Variants in MIS18A observed in about 807,000 individuals in gnomAD.
The protein encoded by MIS18A is protein Mis18-alpha.
MIS18A carries 14 observed loss-of-function variants against 25.0 expected under a neutral mutation model. The observed-to-expected ratio is 0.56, with a 90% confidence interval of 0.37 to 0.88. The LOEUF is 0.88. MIS18A is among the 40% of genes least tolerant of loss of function. The pLI is 0.00. For synonymous variants in MIS18A, 134 were observed against 118.6 expected (o/e 1.13, Z -0.84); for missense variants, 292 against 290.8 (o/e 1.00, Z -0.03).
the MIS18A span, among the ~76,000 whole-genome samples, chr21:32,249,874 C>T: frequency 6.6e-6 from 1 of 152,162 alleles, no homozygotes. Flanking sequence ...TCGGGGGTCA[C>T]ATAGCAACAT....
At chr21:32,179,996 G>A in the MIS18A span, among the ~76,000 whole-genome samples, 1 of 152,200 alleles carries the variant, frequency 6.6e-6, no homozygotes, top group African/African-American at 2.4e-5. Flanking sequence ...TACCGTACCA[G>A]AGATTCCACA....
the MIS18A span, among the ~76,000 whole-genome samples, chr21:32,196,038 T>C: frequency 1.3e-5 from 2 of 151,776 alleles, no homozygotes; most frequent in Non-Finnish European, 2.9e-5. Flanking sequence ...AAAAAATTCT[T>C]GTCTGTCTGT....
At chr21:32,184,935 A>G in the MIS18A span, among the ~76,000 whole-genome samples, 1 of 151,932 alleles carries the variant, frequency 6.6e-6, no homozygotes, top group Non-Finnish European at 1.5e-5. Context: ...GCCTAAGCTC[A>G]GGGTCGGCTC....
the MIS18A span, among the ~76,000 whole-genome samples, chr21:32,218,616 G>A: frequency 3.7e-4 from 56 of 152,190 alleles, no homozygotes; most frequent in Non-Finnish European, 7.5e-4. Context: ...AAATTAAGAT[G>A]TTAAATGTAA....
the MIS18A span, among the ~76,000 whole-genome samples, chr21:32,241,617 T>C: frequency 6.6e-6 from 1 of 152,188 alleles, no homozygotes; most frequent in Non-Finnish European, 1.5e-5. Flanking sequence ...GAAGCAGAGA[T>C]GTAAGAAATT....
the MIS18A span, among the ~76,000 whole-genome samples, chr21:32,246,862 T>C: frequency 6.6e-6 from 1 of 152,194 alleles, no homozygotes; most frequent in African/African-American, 2.4e-5. Flanking sequence ...GGCTTTTCTC[T>C]GAGACTTCTC....
At chr21:32,173,860 ACT>A in the MIS18A span, among the ~76,000 whole-genome samples, 166 of 151,352 alleles carry the variant, frequency 1.1e-3, no homozygotes, top group African/African-American at 3.9e-3. Context: ...TGATTGCAAA[ACT>A]CTGTGGATAT....
the MIS18A span, among the ~76,000 whole-genome samples, chr21:32,180,329 C>T: frequency 1.3e-5 from 2 of 152,162 alleles, no homozygotes; most frequent in Admixed American, 6.5e-5. Flanking sequence ...AGGACAGCAG[C>T]CCAGCTCCTA....
At chr21:32,204,852 A>T in the MIS18A span, among the ~76,000 whole-genome samples, 1 of 152,140 alleles carries the variant, frequency 6.6e-6, no homozygotes, top group Admixed American at 6.5e-5. Flanking sequence ...ACGCCACCGC[A>T]CTCTAGCCTG....
the MIS18A span, among the ~76,000 whole-genome samples, chr21:32,167,170 T>C: frequency 2.0e-5 from 3 of 152,188 alleles, no homozygotes; most frequent in Admixed American, 1.3e-4. Flanking sequence ...TTCTCTTCTG[T>C]TGTCTGCCAG....
chr21:32,253,429 G>A, the MIS18A span, among the ~76,000 whole-genome samples: 38 of 144,868 alleles, frequency 2.6e-4, no homozygotes, highest in East Asian at 5.0e-3. Context: ...AAGGGTGGCT[G>A]AAATTCCCAG....
chr21:32,208,729 A>G, the MIS18A span, among the ~76,000 whole-genome samples: 1 of 152,204 alleles, frequency 6.6e-6, no homozygotes, highest in African/African-American at 2.4e-5. Context: ...AATTTACAGG[A>G]GCTTTGGCCT....
At chr21:32,249,323 A>T in the MIS18A span, among the ~76,000 whole-genome samples, 1 of 152,208 alleles carries the variant, frequency 6.6e-6, no homozygotes, top group Non-Finnish European at 1.5e-5. Context: ...CAGTCGAGAC[A>T]TGCAGCCTGT....
At chr21:32,160,458 C>A in the MIS18A span, among the ~76,000 whole-genome samples, 1 of 152,004 alleles carries the variant, frequency 6.6e-6, no homozygotes, top group Non-Finnish European at 1.5e-5. Context: ...GCTTGTGACA[C>A]AGACTCAGGA....
At chr21:32,168,359 C>T in the MIS18A span, among the ~76,000 whole-genome samples, 4 of 152,284 alleles carry the variant, frequency 2.6e-5, no homozygotes, top group Admixed American at 2.6e-4. Context: ...ACAGAGAAAT[C>T]TACATCCAGA....
the MIS18A span, among the ~76,000 whole-genome samples, chr21:32,209,711 C>T: frequency 1.3e-5 from 2 of 152,094 alleles, no homozygotes; most frequent in African/African-American, 4.8e-5. Flanking sequence ...GGCGGTTACC[C>T]TAGTGCTGCT....
At chr21:32,265,471 C>G (rs1032779632), downstream of MIS18A, among the ~76,000 whole-genome samples, 9 of 152,242 alleles carry the variant, frequency 5.9e-5, no homozygotes, top group Admixed American at 5.2e-4. Flanking sequence ...GACTTAGCAC[C>G]TGGGCCAGTG....
At chr21:32,164,112 C>T in the MIS18A span, among the ~76,000 whole-genome samples, 6,920 of 152,182 alleles carry the variant, frequency 0.045, 232 homozygotes, top group East Asian at 0.13. Flanking sequence ...GGATCCACCC[C>T]CATGATCCAA....
the MIS18A span, among the ~76,000 whole-genome samples, chr21:32,178,101 G>T: frequency 6.6e-6 from 1 of 151,850 alleles, no homozygotes; most frequent in Non-Finnish European, 1.5e-5. Context: ...TTTATTTTTT[G>T]GAGAGACAAG....
Sources: gnomAD v4.1 joint callset for allele counts (sites outside exome capture counted in the v4.1 genomes callset) on GRCh38, gnomAD v4.1.1 for gene constraint, MANE v1.5 for transcripts, NCBI Gene and HGNC (gene_info 2026-07-23, HGNC 2026-07-21) for gene names.